PARN: variants seen among roughly 807,000 people sequenced by gnomAD.
The protein encoded by PARN is poly(A)-specific ribonuclease PARN.
PARN carries 71 observed loss-of-function variants against 102.8 expected under a neutral mutation model. The observed-to-expected ratio is 0.69, with a 90% confidence interval of 0.57 to 0.84. The LOEUF (loss-of-function observed/expected upper bound fraction) is 0.84. PARN is among the 40% of genes least tolerant of loss of function. The probability of loss-of-function intolerance (pLI) is 0.00; values close to 1 mark genes in which losing one functional copy is unlikely to be tolerated. For missense variants in PARN, 782 were observed against 760.9 expected, an observed-to-expected ratio of 1.03 and a Z score of -0.33; for synonymous variants, 261 against 252.9, an observed-to-expected ratio of 1.03 and a Z score of -0.30.
At chr16:14,570,739 A>G (rs867079704) in intron 18 of PARN, among the ~76,000 whole-genome samples, 1 of 145,646 alleles carries the variant, frequency 6.9e-6, no homozygotes, top group South Asian at 2.2e-4. Flanking sequence ...GAACTTTGGG[A>G]GGCTGAGGTT....
intron 1 of PARN, 145 bp downstream of exon 1, chr16:14,629,962 A>T (rs1972937469): frequency 1.3e-6 from 1 of 751,450 alleles, no homozygotes; most frequent in South Asian, 1.7e-5. Flanking sequence ...AAAGACCCCA[A>T]GAGGCGCACC....
chr16:14,560,345 G>A (rs909980920), intron 18 of PARN, among the ~76,000 whole-genome samples: 1 of 152,216 alleles, frequency 6.6e-6, no homozygotes, highest in Non-Finnish European at 1.5e-5. Context: ...GCAAAGATCC[G>A]AGAGGGTGTA....
At chr16:14,475,338 A>G (rs552467439) in intron 22 of PARN, among the ~76,000 whole-genome samples, 50 of 151,344 alleles carry the variant, frequency 3.3e-4, no homozygotes, top group African/African-American at 1.1e-3. Context: ...CTGAGTACCT[A>G]TTAGTGAGAT....
At chr16:14,527,826 G>T (rs565951233) in intron 21 of PARN, among the ~76,000 whole-genome samples, 3 of 152,084 alleles carry the variant, frequency 2.0e-5, no homozygotes, top group Admixed American at 6.6e-5. Flanking sequence ...TAATAAAAAG[G>T]ACAAAAATTC....
intron 21 of PARN, among the ~76,000 whole-genome samples, chr16:14,493,685 G>A (rs768301683): frequency 2.4e-4 from 36 of 152,210 alleles, no homozygotes; most frequent in Non-Finnish European, 3.8e-4. Context: ...ATCTCAACAT[G>A]AGCAGGGGCA....
rs1446064936 is a variant in PARN, at chr16:14,446,933, T to C, written c.1819A>G (p.Lys607Glu). The change falls in exon 23 of 24, where the codon AAG (lysine) becomes GAG (glutamate). Residue 607 changes from lysine to glutamate, a missense_variant. Physicochemically the swap from Lys to Glu is moderately conservative, Grantham distance 56 (BLOSUM62 1). Coordinates refer to ENST00000437198, the MANE Select transcript of PARN (RefSeq NM_002582.4). ...TTCATTCTTTTTAATTTCTTGGCCT[T>C]TTTCCTTCCCTCTGAGAGGGGCTCT... ...CAEPLSEGRK[K>E]AKKLKRMKKE... 1 of 1,613,394 alleles carries C rather than the reference T, an allele frequency of 6.2e-7. No individual in the cohort carries two copies.
At chr16:14,481,084 G>C (rs2151595100) in intron 22 of PARN, among the ~76,000 whole-genome samples, 1 of 152,258 alleles carries the variant, frequency 6.6e-6, no homozygotes, top group East Asian at 1.9e-4. Flanking sequence ...CCACTTTGAA[G>C]AGCTGTTGCT....
intron 22 of PARN, among the ~76,000 whole-genome samples, chr16:14,468,878 A>AATAAATAG (rs1555481205): frequency 3.6e-5 from 5 of 139,620 alleles, no homozygotes; most frequent in African/African-American, 1.4e-4. Flanking sequence ...CCCATTACTA[A>AATAAATAG]ATAGATAGAT....
intron 12 of PARN, among the ~76,000 whole-genome samples, chr16:14,596,168 G>A (rs1970495510): frequency 6.6e-6 from 1 of 152,064 alleles, no homozygotes; most frequent in African/African-American, 2.4e-5. Context: ...CCCATTAAGA[G>A]GAACCAGAGC....
At position 14,630,234 on chromosome 16, in the gene PARN, G is replaced by C. The variant is rs932981140; in HGVS notation, c.-109C>G. 3 of 978,968 alleles carry C rather than the reference G, an allele frequency of 3.1e-6. No homozygotes were observed. Among genetic ancestry groups the C allele is most frequent in the Admixed American group, 2.5e-5 (1 of 39,288 alleles). 60.6% of individuals were successfully genotyped at this position (978,968 alleles called of 1,614,324 possible). On this transcript the variant is annotated 5_prime_UTR_variant, in exon 1 of 24. Coordinates refer to ENST00000437198, the MANE Select transcript of PARN (RefSeq NM_002582.4). The stretch of plus-strand genomic sequence containing the variant: ...GGCAGTAGCTGAGGCAGCCGCAGCG[G>C]TGACGCCGGCCGCGACTTCCGGAAA...
At chr16:14,436,987 G>T (rs1960734478) in intron 23 of PARN, among the ~76,000 whole-genome samples, 1 of 152,178 alleles carries the variant, frequency 6.6e-6, no homozygotes, top group Non-Finnish European at 1.5e-5. Context: ...AACATCATGG[G>T]GGCGCGGAGG....
chr16:14,548,810 C>T (rs995485679), intron 21 of PARN, among the ~76,000 whole-genome samples: 1 of 152,070 alleles, frequency 6.6e-6, no homozygotes, highest in Admixed American at 6.6e-5. Context: ...CAAAAATTAG[C>T]CAGTGTGGTG....
intron 17 of PARN, among the ~76,000 whole-genome samples, chr16:14,581,755 A>G (rs777807966): frequency 2.0e-5 from 3 of 152,146 alleles, no homozygotes; most frequent in Non-Finnish European, 4.4e-5. Flanking sequence ...CCCTGTCTCT[A>G]TAAAAAAATT....
At chr16:14,501,268 A>AAAAAAAC (rs201066955) in intron 21 of PARN, among the ~76,000 whole-genome samples, 3 of 144,336 alleles carry the variant, frequency 2.1e-5, no homozygotes, top group African/African-American at 7.8e-5. Flanking sequence ...ATCTTTACAA[A>AAAAAAAC]AAAAAACAAA....
intron 6 of PARN, among the ~76,000 whole-genome samples, chr16:14,611,742 T>C (rs1445930421): frequency 6.6e-6 from 1 of 152,214 alleles, no homozygotes; most frequent in Non-Finnish European, 1.5e-5. Flanking sequence ...GGTTTCGCTA[T>C]GTTGGCCAGG....
At chr16:14,445,058 G>A (rs1961137244) in intron 23 of PARN, among the ~76,000 whole-genome samples, 1 of 148,958 alleles carries the variant, frequency 6.7e-6, no homozygotes, top group Non-Finnish European at 1.5e-5. Flanking sequence ...AAACTCCCGG[G>A]CTCAGGTCAT....
chr16:14,527,385 C>T (rs185438552), intron 21 of PARN, among the ~76,000 whole-genome samples: 3 of 152,324 alleles, frequency 2.0e-5, no homozygotes, highest in African/African-American at 4.8e-5. Context: ...CTCATTGGAA[C>T]GCTCATTCTA....
intron 21 of PARN, among the ~76,000 whole-genome samples, chr16:14,507,159 T>A (rs1381426207): frequency 3.3e-5 from 5 of 151,744 alleles, no homozygotes; most frequent in African/African-American, 1.2e-4. Flanking sequence ...AAACCCCATC[T>A]CTACTAAAAA....
intron 21 of PARN, among the ~76,000 whole-genome samples, chr16:14,543,492 A>G (rs561556148): frequency 6.6e-6 from 1 of 152,356 alleles, no homozygotes; most frequent in Admixed American, 6.5e-5. Flanking sequence ...GGGATTTATA[A>G]TGAATGCAGA....
Sources: gnomAD v4.1 joint callset for allele counts (sites outside exome capture counted in the v4.1 genomes callset) on GRCh38, gnomAD v4.1.1 for gene constraint, MANE v1.5 for transcripts, NCBI Gene and HGNC (gene_info 2026-07-23, HGNC 2026-07-21) for gene names.